The following RYR1 variants were observed in gnomAD, a reference collection of about 807,000 sequenced individuals.
The protein encoded by RYR1 is central core disease of muscle.
Under a neutral mutation model 583.5 loss-of-function variants are expected in RYR1, and 342 were observed. That is an observed-to-expected ratio of 0.59 (90% CI 0.54 to 0.64). The LOEUF (loss-of-function observed/expected upper bound fraction) is 0.64. RYR1 is among the 30% of genes least tolerant of loss of function. RYR1 has a pLI of 0.00. For synonymous variants in RYR1, 2,791 were observed against 2,822.5 expected (o/e 0.99, Z 0.35); for missense variants, 6,032 against 6,917.2 (o/e 0.87, Z 4.54).
In RYR1 at chr19:38,511,503, C is replaced by T. The variant is rs376281539; in HGVS notation, c.9123-58C>T. 1.8e-4 allele frequency: 284 copies of T among 1,583,812 alleles called. 2 individuals are homozygous for T. The highest frequency in any genetic ancestry group is 2.8e-4 in the Admixed American group (17 of 59,946). On this transcript the variant is annotated intron_variant, in intron 60 of 105. Transcript: ENST00000359596. The stretch of plus-strand genomic sequence containing the variant: ...TCTAATTGGGTCACGCTGTCCTCGT[C>T]TCCTTGGCCTCCTCACTCGCTGTTT...
chr19:38,433,715 C>G lies in RYR1; in HGVS notation c.-115C>G. 1.3e-6 allele frequency: 1 copy of G among 790,000 alleles called. No homozygotes were observed. 48.9% of individuals were successfully genotyped at this position (790,000 alleles called of 1,614,324 possible). ...CGCAGTTCCATCTACCTCGCGGGTG[C>G]CTCTGGTGTCTCCAGAGGTCTCCGA... On this transcript the variant is annotated 5_prime_UTR_variant, in exon 1 of 106. Coordinates refer to ENST00000359596, the MANE Select transcript of RYR1 (RefSeq NM_000540.3).
At chr19:38,542,991 AC>A (rs1405440470) in intron 84 of RYR1, among the ~76,000 whole-genome samples, 1 of 150,166 alleles carries the variant, frequency 6.7e-6, no homozygotes, top group South Asian at 2.1e-4. Context: ...GCAGGTGCCC[AC>A]CACCACACCC....
intron 84 of RYR1, among the ~76,000 whole-genome samples, chr19:38,541,441 T>C (rs368857008): frequency 2.9e-5 from 3 of 103,352 alleles, no homozygotes; most frequent in African/African-American, 4.0e-5. Flanking sequence ...CTCGGCTGGG[T>C]GTGGTGGCTT....
rs1200716112 is a variant in RYR1, at chr19:38,444,043, GTTGTGGGCCAAGGGCC to G, written c.425-105_425-90del. The G allele has an allele frequency of 7.1e-6, 7 of 989,728 alleles. No homozygotes were observed. The highest frequency in any genetic ancestry group is 1.1e-5 in the Non-Finnish European group (7 of 621,202). The allele number at this position is 989,728 out of a possible 1,614,324, so 61.3% of individuals were successfully genotyped here. A position where few individuals can be genotyped will look rare whatever the true frequency, so the allele number is the denominator to read the frequency against. The stretch of plus-strand genomic sequence containing the variant: ...GAGAGTTGGTGGCAGTGATAGGAGA[GTTGTGGGCCAAGGGCC>G]CGGGAGGCCTGGTGGAGGGAGAGCC... On this transcript the variant is annotated intron_variant, in intron 5 of 105. Transcript: ENST00000359596. This position sits in a 1 kb window ranked among gnomAD's most constrained non-coding sequence, Gnocchi z 5.1.
At chr19:38,515,982 T>C (rs1372971488) in intron 64 of RYR1, 105 bp from the exon 65 acceptor site, 3 of 1,351,646 alleles carry the variant, frequency 2.2e-6, no homozygotes, top group Non-Finnish European at 3.0e-6. Flanking sequence ...ATGGCAGCTC[T>C]GTCCCAAAGG....
intron 87 of RYR1, among the ~76,000 whole-genome samples, chr19:38,544,111 G>A (rs1387723387): frequency 1.3e-5 from 2 of 152,138 alleles, no homozygotes; most frequent in Non-Finnish European, 2.9e-5. Flanking sequence ...CGCTTCCATT[G>A]GTCTGACGTG....
intron 63 of RYR1, among the ~76,000 whole-genome samples, chr19:38,513,996 G>T (rs1465933111): frequency 6.6e-6 from 1 of 152,016 alleles, no homozygotes; most frequent in East Asian, 1.9e-4. Flanking sequence ...TTTTTTAAAA[G>T]AAATTCAGAA....
chr19:38,535,175 G>A lies in RYR1; in HGVS notation c.11394G>A (p.Lys3798=). Residue 3798 remains lysine (K), a synonymous_variant, in exon 80 of 106, where the codon AAG becomes AAA. Transcript: ENST00000359596. ...ETGAMVSSTL[K]LGISILNGGN... ...GTGCCATGGTGTCCTCCACCCTGAA[G>A]CTGGGCATCTCCATCCTCAATGGAG... 2 of 1,614,126 alleles carry A rather than the reference G, an allele frequency of 1.2e-6. No individual in the cohort carries two copies. The highest frequency in any genetic ancestry group is 8.5e-7 in the Non-Finnish European group (1 of 1,180,028).
At chr19:38,528,540 G>A in intron 74 of RYR1, 59 bp from the exon 75 acceptor site, 2 of 1,602,440 alleles carry the variant, frequency 1.2e-6, no homozygotes, top group South Asian at 1.1e-5. Flanking sequence ...CAGGCGCATG[G>A]GAGGTCGGGA....
At position 38,499,010 on chromosome 19, in the gene RYR1, TG is replaced by T; in HGVS notation, c.6892-97del. The T allele has an allele frequency of 6.6e-7, 1 of 1,522,668 alleles. No homozygotes were observed. The highest frequency in any genetic ancestry group is 8.9e-7 in the Non-Finnish European group (1 of 1,121,684). The allele number at this position is 1,522,668 out of a possible 1,614,324, so 94.3% of individuals were successfully genotyped here. ...CCGAGGGATCAGAGCTGAACCGGAC[TG>T]AGGAGCCGCAGGGCAGGGCAGGGCA... On this transcript the variant is annotated intron_variant, in intron 42 of 105. Coordinates refer to ENST00000359596, the MANE Select transcript of RYR1 (RefSeq NM_000540.3). This position sits in a 1 kb window ranked among gnomAD's most constrained non-coding sequence, Gnocchi z 7.3.
intron 49 of RYR1, among the ~76,000 whole-genome samples, chr19:38,503,340 A>T (rs1253349709): frequency 6.6e-6 from 1 of 152,230 alleles, no homozygotes; most frequent in African/African-American, 2.4e-5. Flanking sequence ...ATTTGAATAA[A>T]CATTATCACA....
At chr19:38,470,713 A>AG (rs1371421584) in intron 27 of RYR1, among the ~76,000 whole-genome samples, 1 of 152,242 alleles carries the variant, frequency 6.6e-6, no homozygotes. Context: ...ACTGCACTCC[A>AG]GCCTGGGTGA....
At chr19:38,481,813 C>T (rs1295582243) in intron 31 of RYR1, among the ~76,000 whole-genome samples, 2 of 151,852 alleles carry the variant, frequency 1.3e-5, no homozygotes, top group South Asian at 2.1e-4. Context: ...ATGGGCCGGG[C>T]GTGGTGGCTC....
At position 38,552,442 on chromosome 19, in the gene RYR1, C is replaced by CG. The variant is rs200716379; in HGVS notation, c.12282+4025dup. On this transcript the variant is annotated intron_variant, in intron 89 of 105. Transcript: ENST00000359596. ...CTAATTTTTGTATTTTTAGTAGAGA[C>CG]GGGCTTCACCATGTTGGCCAAGGTG... Among the ~76,000 whole-genome samples the CG allele has an allele frequency of 7.7e-3, 1,168 of 151,998 alleles. 31 individuals carry two copies. The highest frequency in any genetic ancestry group is 0.067 in the East Asian group (347 of 5,158).
rs774950464 is a variant in RYR1, at chr19:38,505,403, C to G, written c.8400+5C>G. 11 of 1,599,288 alleles carry G rather than the reference C, an allele frequency of 6.9e-6. No individual in the cohort carries two copies. Among genetic ancestry groups the G allele is most frequent in the Middle Eastern group, 1.7e-4 (1 of 5,944 alleles). The stretch of plus-strand genomic sequence containing the variant: ...TACAAGACCTTTTCAGAGAAGGTGA[C>G]CAGGCCTTGGGGCCCAGCATTGAGG... On this transcript the variant is annotated splice_donor_5th_base_variant and intron_variant, in intron 53 of 105. Coordinates refer to ENST00000359596, the MANE Select transcript of RYR1 (RefSeq NM_000540.3).
In RYR1 at chr19:38,467,633, T is replaced by C. The variant is rs1057518768; in HGVS notation, c.3202T>C (p.Cys1068Arg). The change falls in exon 25 of 106, where the codon TGT (cysteine) becomes CGT (arginine). Residue 1068 changes from cysteine (C) to arginine (R), a missense_variant. Cys to Arg is a radical substitution (Grantham distance 180). Around this residue, in one of 11 missense-constraint regions of RYR1, gnomAD observed 2,627 missense variants for 2,961.3 expected, o/e 0.89. Coordinates refer to ENST00000359596, the MANE Select transcript of RYR1 (RefSeq NM_000540.3). The part of the protein sequence containing the change: ...EPSQVENQSR[C>R]DRVRIFRAEK... ...AGGTCAGGTGGAGAACCAGTCTCGT[T>C]GTGACCGGGTGCGCATCTTCCGGGC... 1.9e-6 allele frequency: 3 copies of C among 1,614,104 alleles called. No individual in the cohort carries two copies. The highest frequency in any genetic ancestry group is 2.5e-6 in the Non-Finnish European group (3 of 1,180,048).
At position 38,499,176 on chromosome 19, in the gene RYR1, C is replaced by T. The variant is rs1271691326; in HGVS notation, c.6960C>T (p.Asp2320=). The T allele has an allele frequency of 8.7e-6, 14 of 1,614,092 alleles. No homozygotes were observed. The highest frequency in any genetic ancestry group is 1.1e-5 in the Non-Finnish European group (13 of 1,180,040). The change falls in exon 43 of 106, where the codon GAC becomes GAT. Residue 2320 remains aspartate (D), a synonymous_variant. Transcript: ENST00000359596. This position sits in a 1 kb window ranked among gnomAD's most constrained non-coding sequence, Gnocchi z 7.3. ...TGCTTGTGGCCAAAGGGTACCCAGA[C>T]ATTGGCTGGAACCCCTGTGGTGGAG... ...CPMLVAKGYP[D]IGWNPCGGER...
At chr19:38,458,377 C>G in intron 18 of RYR1, 85 bp downstream of exon 18, 1 of 1,411,310 alleles carries the variant, frequency 7.1e-7, no homozygotes, top group Middle Eastern at 1.8e-4. Flanking sequence ...TTGGGGTTCT[C>G]AGGATCCTGA....
chr19:38,454,868 G>A (rs1158695995), intron 13 of RYR1, among the ~76,000 whole-genome samples: 1 of 152,086 alleles, frequency 6.6e-6, no homozygotes, highest in Non-Finnish European at 1.5e-5. Context: ...GGCCTCTCCA[G>A]TTGGTGGGAG....
Sources: gnomAD v4.1 joint callset for allele counts (sites outside exome capture counted in the v4.1 genomes callset) on GRCh38, gnomAD v4.1.1 for gene constraint, gnomAD v4.1.1 regional missense constraint, Gnocchi (gnomAD v3.1) non-coding constraint, MANE v1.5 for transcripts, NCBI Gene and HGNC (gene_info 2026-07-23, HGNC 2026-07-21) for gene names.